The following NCAPG variants were observed in gnomAD, a reference collection of about 807,000 sequenced individuals.
The protein encoded by NCAPG is non-SMC condensin I complex subunit G.
NCAPG carries 69 observed loss-of-function variants against 113.1 expected under a neutral mutation model. That is an observed-to-expected ratio of 0.61 (90% CI 0.50 to 0.75). The LOEUF (loss-of-function observed/expected upper bound fraction) is 0.75. Ranked by LOEUF, NCAPG falls within the 30% of genes least tolerant of loss-of-function variation. The pLI is 0.00. For missense variants in NCAPG, 1,058 were observed against 1,177.0 expected (o/e 0.90, Z 1.48); for synonymous variants, 370 against 415.8 (o/e 0.89, Z 1.34).
rs746454706 is a variant in NCAPG, at chr4:17,843,392, C to G, written c.3015C>G (p.Asn1005Lys). 1.8e-5 allele frequency: 29 copies of G among 1,611,614 alleles called. No homozygotes were observed. Among genetic ancestry groups the G allele is most frequent in the Non-Finnish European group, 2.3e-5 (27 of 1,178,162 alleles). The change falls in exon 21 of 21, where the codon AAC becomes AAG. Residue 1005 changes from asparagine (N) to lysine (K), a missense_variant. Coordinates refer to ENST00000251496, the MANE Select transcript of NCAPG (RefSeq NM_022346.5). ...KTAALEKSKL[N>K]LAQFLNEDLS The stretch of plus-strand genomic sequence containing the variant: ...CAGCACTAGAAAAAAGTAAACTTAA[C>G]CTTGCCCAATTTCTCAATGAAGATC...
At chr4:17,838,410 T>C (rs754330387) in intron 16 of NCAPG, among the ~76,000 whole-genome samples, 5 of 152,196 alleles carry the variant, frequency 3.3e-5, no homozygotes, top group African/African-American at 7.2e-5. Context: ...TTGTATATTA[T>C]TGGAAAGATA....
chr4:17,833,485 T>TTTGTTG (rs11431250), intron 13 of NCAPG, among the ~76,000 whole-genome samples: 5,193 of 148,380 alleles, frequency 0.035, 123 homozygotes, highest in African/African-American at 0.063. Context: ...TATATATATT[T>TTTGTTG]TTGTTGTTGT....
intron 7 of NCAPG, 31 bp from the exon 8 acceptor site, chr4:17,822,952 G>T (rs954573987): frequency 1.3e-6 from 2 of 1,542,062 alleles, no homozygotes; most frequent in Non-Finnish European, 1.7e-6. Flanking sequence ...TTTCTTAAAA[G>T]ATTCTACTTT....
chr4:17,830,441 C>T (rs1721819617), intron 12 of NCAPG, among the ~76,000 whole-genome samples: 1 of 151,236 alleles, frequency 6.6e-6, no homozygotes, highest in African/African-American at 2.4e-5. Flanking sequence ...GTTTCAAAGA[C>T]TAGTACAAAG....
chr4:17,835,268 G>A (rs557488509), intron 14 of NCAPG, among the ~76,000 whole-genome samples: 9 of 152,142 alleles, frequency 5.9e-5, no homozygotes, highest in Admixed American at 1.3e-4. Flanking sequence ...GTGCAGTGGC[G>A]TGATCATAGT....
At chr4:17,819,937 A>C (rs1721383828) in intron 7 of NCAPG, among the ~76,000 whole-genome samples, 1 of 152,194 alleles carries the variant, frequency 6.6e-6, no homozygotes, top group African/African-American at 2.4e-5. Context: ...AACCTGTGTG[A>C]ATCTAATGAG....
intron 8 of NCAPG, among the ~76,000 whole-genome samples, 173 bp from the exon 9 acceptor site, chr4:17,823,474 G>T (rs1721538882): frequency 6.6e-6 from 1 of 151,844 alleles, no homozygotes; most frequent in Non-Finnish European, 1.5e-5. Context: ...TTTTTGTGTG[G>T]AATAAGAATA....
chr4:17,823,175 T>C, intron 8 of NCAPG, 52 bp downstream of exon 8: 7 of 1,511,250 alleles, frequency 4.6e-6, no homozygotes, highest in Non-Finnish European at 6.3e-6. Flanking sequence ...ATTTCTTATA[T>C]TGAAATATAG....
chr4:17,816,489 G>A (rs1000687951), intron 5 of NCAPG, among the ~76,000 whole-genome samples: 4 of 152,172 alleles, frequency 2.6e-5, no homozygotes, highest in Non-Finnish European at 5.9e-5. Flanking sequence ...GGCCAAGATG[G>A]CTCTATTGCG....
chr4:17,841,929 C>A (rs2109072400), intron 19 of NCAPG: 1 of 161,930 alleles, frequency 6.2e-6, no homozygotes, highest in South Asian at 1.7e-4. Context: ...ACCTAACCTA[C>A]CTTTCTAACC....
chr4:17,823,068 G>A lies in NCAPG; in HGVS notation c.1204G>A (p.Gly402Ser), dbSNP rs763877667. The change falls in exon 8 of 21, where the codon GGT (glycine) becomes AGT (serine). Residue 402 changes from glycine (G) to serine (S), a missense_variant. Transcript: ENST00000251496. ...IGNLMTKEFI[G>S]QQLILIIKSL... ...AAATTTGATGACAAAAGAATTCATA[G>A]GTCAACAATTGATTCTAATTATTAA... is the stretch of plus-strand genomic sequence containing the variant. 3 of 1,609,216 alleles carry A rather than the reference G, an allele frequency of 1.9e-6. No homozygotes were observed. Among genetic ancestry groups the A allele is most frequent in the Non-Finnish European group, 2.5e-6 (3 of 1,177,840 alleles).
chr4:17,813,111 G>A lies in NCAPG; in HGVS notation c.510G>A (p.Gln170=), dbSNP rs1171040863. 6.2e-7 allele frequency: 1 copy of A among 1,613,950 alleles called. No homozygotes were observed. Among genetic ancestry groups the A allele is most frequent in the Middle Eastern group, 1.7e-4 (1 of 6,054 alleles). The part of the protein sequence containing the change: ...IQAVLALSRL[Q]DPKDDECPVV... The stretch of plus-strand genomic sequence containing the variant: ...CAGTTCTGGCGCTTTCACGACTTCA[G>A]GATCCCAAGGATGATGAATGCCCAG... The change falls in exon 3 of 21, where the codon CAG becomes CAA. Residue 170 remains glutamine (Q), a synonymous_variant. Coordinates refer to ENST00000251496, the MANE Select transcript of NCAPG (RefSeq NM_022346.5).
At chr4:17,818,489 T>C (rs1461393221) in intron 7 of NCAPG, among the ~76,000 whole-genome samples, 2 of 152,186 alleles carry the variant, frequency 1.3e-5, no homozygotes. Context: ...CCAAAGACAA[T>C]GTAAGTAACT....
At chr4:17,821,416 T>G (rs1048400042) in intron 7 of NCAPG, among the ~76,000 whole-genome samples, 6 of 151,834 alleles carry the variant, frequency 4.0e-5, no homozygotes, top group Non-Finnish European at 7.4e-5. Flanking sequence ...TCATTATACA[T>G]TATACCACAA....
Position 17,834,404 on chromosome 4 carries a change from A to G in NCAPG, c.1990A>G (p.Thr664Ala). Residue 664 changes from threonine (T) to alanine (A), a missense_variant, in exon 14 of 21, where the codon ACA (threonine) becomes GCA (alanine). Transcript: ENST00000251496. ...IEPFKTKKIK[T>A]LHCEGTEINS... The stretch of plus-strand genomic sequence containing the variant: ...ACCATTTAAAACTAAAAAAATCAAA[A>G]CACTTCATTGTGAAGGTACAGAAAT... The G allele has an allele frequency of 6.2e-7, 1 of 1,612,034 alleles. No homozygotes were observed. Among genetic ancestry groups the G allele is most frequent in the Non-Finnish European group, 8.5e-7 (1 of 1,178,956 alleles).
At position 17,831,045 on chromosome 4, in the gene NCAPG, G is replaced by A. The variant is rs1450956217; in HGVS notation, c.1813G>A (p.Val605Ile). 3 of 1,613,586 alleles carry A rather than the reference G, an allele frequency of 1.9e-6. No individual in the cohort carries two copies. Among genetic ancestry groups the A allele is most frequent in the Non-Finnish European group, 1.7e-6 (2 of 1,179,676 alleles). The change falls in exon 13 of 21, where the codon GTT becomes ATT. Residue 605 changes from valine (V) to isoleucine (I), a missense_variant. Physicochemically the swap from Val to Ile is conservative, Grantham distance 29. Coordinates refer to ENST00000251496, the MANE Select transcript of NCAPG (RefSeq NM_022346.5). ...SIHPVVRNLA[V>I]LCLGCCGLQN... ...TCATCCTGTTGTAAGAAACCTGGCT[G>A]TTTTATGCTTGGGATGCTGTGGACT...
chr4:17,812,311 G>A lies in NCAPG; in HGVS notation c.202G>A (p.Val68Ile). 6.2e-7 allele frequency: 1 copy of A among 1,613,710 alleles called. No individual in the cohort carries two copies. The highest frequency in any genetic ancestry group is 1.1e-5 in the South Asian group (1 of 91,076). The change falls in exon 2 of 21, where the codon GTA (valine) becomes ATA (isoleucine). Residue 68 changes from valine (V) to isoleucine (I), a missense_variant. By Grantham distance (29) the Val-to-Ile change is conservative. Transcript: ENST00000251496. ...TAAACGTGAACCAGCTGTGGAGAGG[G>A]TAATAGAATTTGCAGCAAAGTTTGT... ...VYKREPAVER[V>I]IEFAAKFVTS...
intron 4 of NCAPG, 104 bp downstream of exon 4, chr4:17,815,102 T>A: frequency 6.9e-7 from 1 of 1,450,422 alleles, no homozygotes; most frequent in Non-Finnish European, 9.5e-7. Context: ...TTTCTTCAGT[T>A]GAGGTTTTAT....
chr4:17,832,802 T>C (rs957769499), intron 13 of NCAPG, among the ~76,000 whole-genome samples: 3 of 151,928 alleles, frequency 2.0e-5, no homozygotes, highest in Non-Finnish European at 2.9e-5. Context: ...TAAGGTGAAT[T>C]GGACAGTAAA....
Sources: gnomAD v4.1 joint callset for allele counts (sites outside exome capture counted in the v4.1 genomes callset) on GRCh38, gnomAD v4.1.1 for gene constraint, MANE v1.5 for transcripts, NCBI Gene and HGNC (gene_info 2026-07-23, HGNC 2026-07-21) for gene names.